Variants in ASIC2 observed in about 807,000 individuals in gnomAD.
ASIC2 encodes acid sensing ion channel subunit 2.
ASIC2 carries 25 observed loss-of-function variants against 57.3 expected under a neutral mutation model. The observed-to-expected ratio is 0.44, with a 90% confidence interval of 0.32 to 0.61. The LOEUF is 0.61. Ranked by LOEUF, ASIC2 falls within the 20% of genes least tolerant of loss-of-function variation. ASIC2 has a pLI of 0.06. For missense variants in ASIC2, 641 were observed against 738.1 expected (o/e 0.87, Z 1.52); for synonymous variants, 319 against 307.5 (o/e 1.04, Z -0.39).
chr17:33,804,732 C>T (rs911068989), intron 1 of ASIC2, among the ~76,000 whole-genome samples: 2 of 152,178 alleles, frequency 1.3e-5, no homozygotes, highest in Non-Finnish European at 2.9e-5. Flanking sequence ...GTTCCTCATT[C>T]TTCGATCTGT....
intron 1 of ASIC2, among the ~76,000 whole-genome samples, chr17:34,148,410 A>T (rs970284219): frequency 7.9e-5 from 12 of 152,252 alleles, no homozygotes; most frequent in African/African-American, 2.9e-4. Flanking sequence ...GGCTGACATT[A>T]TGGAAAACTT....
intron 1 of ASIC2, among the ~76,000 whole-genome samples, chr17:33,738,321 A>G (rs1379359178): frequency 6.6e-6 from 1 of 152,204 alleles, no homozygotes; most frequent in East Asian, 1.9e-4. Flanking sequence ...AGACAACTTT[A>G]CATGGTGCTT....
At chr17:33,124,947 CACAGTTCACA>C (rs2092317391) in intron 1 of ASIC2, among the ~76,000 whole-genome samples, 1 of 98,576 alleles carries the variant, frequency 1.0e-5, no homozygotes, top group Admixed American at 8.6e-5. Flanking sequence ...CCCTCACATG[CACAGTTCACA>C]ATAGGGTTCA....
chr17:33,335,087 T>C lies in ASIC2; in HGVS notation c.556-223020A>G, dbSNP rs771967397. On this transcript the variant is annotated intron_variant, in intron 1 of 9. Coordinates refer to the ASIC2 transcript ENST00000359872. ...CAGCTGGATTCAAAAGAGACAGGTC[T>C]ATTATCCCTTTTTACATTAAATTGT... Among the ~76,000 whole-genome samples, 55 of 152,228 alleles carry C rather than the reference T, an allele frequency of 3.6e-4. 1 individual carries two copies. The highest frequency in any genetic ancestry group is 2.4e-4 in the Non-Finnish European group (16 of 68,046).
chr17:33,966,028 G>A (rs866301503), intron 1 of ASIC2, among the ~76,000 whole-genome samples: 7 of 152,354 alleles, frequency 4.6e-5, no homozygotes, highest in Middle Eastern at 6.8e-3. Flanking sequence ...TGCAGGCTCT[G>A]CATAGAGAAG....
At chr17:33,985,675 T>C (rs768288284) in intron 1 of ASIC2, among the ~76,000 whole-genome samples, 4 of 152,216 alleles carry the variant, frequency 2.6e-5, no homozygotes, top group Admixed American at 6.5e-5. Context: ...AGGAGTTCCA[T>C]GGTCAAACAC....
chr17:34,117,143 A>C (rs1041258356), intron 1 of ASIC2, among the ~76,000 whole-genome samples: 1 of 152,064 alleles, frequency 6.6e-6, no homozygotes, highest in Non-Finnish European at 1.5e-5. Flanking sequence ...ATCTGTCAGG[A>C]TTTTTCATTC....
chr17:33,177,110 G>A, intron 1 of ASIC2, among the ~76,000 whole-genome samples: 1 of 152,132 alleles, frequency 6.6e-6, no homozygotes, highest in South Asian at 2.1e-4. Context: ...AGTAATAATG[G>A]GGCTAATTCA....
At chr17:34,084,276 T>TCC (rs1195268089) in intron 1 of ASIC2, among the ~76,000 whole-genome samples, 2 of 152,166 alleles carry the variant, frequency 1.3e-5, no homozygotes, top group African/African-American at 4.8e-5. Flanking sequence ...TAGCCAGTTT[T>TCC]CCCAGCACCA....
rs1164345209 is a variant in ASIC2 at position 33,880,221 on chromosome 17, A to G, written c.555+275757T>C. Among the ~76,000 whole-genome samples the G allele has an allele frequency of 2.0e-5, 3 of 152,220 alleles. No homozygotes were observed. In the East Asian group the frequency reaches 5.8e-4, roughly 29 times the overall value. On this transcript the variant is annotated intron_variant, in intron 1 of 9. Transcript: ENST00000359872. Reference sequence around the variant, plus strand: ...CTAGAGAAGCAAGAGCAAACACATTAAAAAACTAGCAGAAGGCAAGAAATA... The same window carrying G: ...CTAGAGAAGCAAGAGCAAACACATTGAAAAACTAGCAGAAGGCAAGAAATA...
chr17:34,104,487 C>G (rs571397468), intron 1 of ASIC2, among the ~76,000 whole-genome samples: 2 of 152,050 alleles, frequency 1.3e-5, no homozygotes, highest in South Asian at 2.1e-4. Context: ...CAAGCTAGAG[C>G]CTTCATACAA....
intron 1 of ASIC2, among the ~76,000 whole-genome samples, chr17:33,642,192 G>C (rs1329361642): frequency 2.7e-5 from 3 of 110,202 alleles, no homozygotes; most frequent in African/African-American, 1.1e-4. Flanking sequence ...CGCACTCTAG[G>C]GGGAGCAAAA....
intron 1 of ASIC2, among the ~76,000 whole-genome samples, chr17:33,749,607 C>T (rs1447442171): frequency 1.3e-5 from 2 of 152,096 alleles, no homozygotes; most frequent in Non-Finnish European, 2.9e-5. Context: ...TGGCTCCCTC[C>T]CACACCTCAG....
Position 33,517,165 on chromosome 17 carries a change from G to T in ASIC2, c.556-405098C>A, listed in dbSNP as rs557244697. On this transcript the variant is annotated intron_variant, in intron 1 of 9. Transcript: ENST00000359872. ...GAGTCTCGTTCTGTTGCCCAGGCTG[G>T]AGTGCAGTGGCGCGATCTCAGCTCA... Among the ~76,000 whole-genome samples the T allele has an allele frequency of 8.9e-4, 135 of 152,266 alleles. 1 individual carries two copies. Among genetic ancestry groups the T allele is most frequent in the African/African-American group, 3.2e-3 (134 of 41,542 alleles).
chr17:33,457,272 A>G (rs1314942122), intron 1 of ASIC2, among the ~76,000 whole-genome samples: 1 of 150,136 alleles, frequency 6.7e-6, no homozygotes, highest in Non-Finnish European at 1.5e-5. Flanking sequence ...CAAAAGATGA[A>G]TGTACATCTT....
At chr17:33,469,534 G>A (rs1274716224) in intron 1 of ASIC2, among the ~76,000 whole-genome samples, 2 of 152,144 alleles carry the variant, frequency 1.3e-5, no homozygotes, top group African/African-American at 2.4e-5. Context: ...AGCAGACACC[G>A]TGACCATCAT....
intron 1 of ASIC2, among the ~76,000 whole-genome samples, chr17:33,513,892 C>G (rs1482160279): frequency 2.0e-5 from 3 of 152,242 alleles, no homozygotes; most frequent in Non-Finnish European, 4.4e-5. Flanking sequence ...CAGACCTGTG[C>G]CCCTTCCAGC....
At chr17:33,367,491 C>A (rs1392416107) in intron 1 of ASIC2, among the ~76,000 whole-genome samples, 1 of 152,176 alleles carries the variant, frequency 6.6e-6, no homozygotes, top group Non-Finnish European at 1.5e-5. Flanking sequence ...GACAAGCTCC[C>A]CAGAGAAAGT....
chr17:33,409,638 C>T (rs11655073), intron 1 of ASIC2, among the ~76,000 whole-genome samples: 18,236 of 152,194 alleles, frequency 0.12, 1,246 homozygotes, highest in Middle Eastern at 0.17. Flanking sequence ...AGGAGAGGAG[C>T]GTTTGCAGCA....
Sources: gnomAD v4.1 joint callset for allele counts (sites outside exome capture counted in the v4.1 genomes callset) on GRCh38, gnomAD v4.1.1 for gene constraint, MANE v1.5 for transcripts, NCBI Gene and HGNC (gene_info 2026-07-23, HGNC 2026-07-21) for gene names.